LYPLAL1: variants seen among roughly 807,000 people sequenced by gnomAD.
The protein encoded by LYPLAL1 is lysophospholipase-like protein 1.
Under a neutral mutation model 19.7 loss-of-function variants are expected in LYPLAL1, and 23 were observed. The observed-to-expected ratio is 1.17, with a 90% CI of 0.84 to 1.65. The LOEUF is 1.65. Among genes scored for constraint, LYPLAL1 ranks in the 40% most tolerant of loss-of-function variants. The pLI is 0.00. For missense variants in LYPLAL1, 355 were observed against 279.4 expected, an observed-to-expected ratio of 1.27 and a Z score of -1.93; for synonymous variants, 119 against 96.3, an observed-to-expected ratio of 1.24 and a Z score of -1.38.
the LYPLAL1 span, among the ~76,000 whole-genome samples, chr1:219,320,712 T>C: frequency 1.8e-4 from 27 of 152,306 alleles, no homozygotes; most frequent in South Asian, 5.4e-3. Context: ...GTGCTTGCGA[T>C]AGTTTGCTGA....
Position 219,212,621 on chromosome 1 carries a change from T to G in LYPLAL1, c.*893T>G, listed in dbSNP as rs561545487. 1 of 152,168 alleles carries G rather than the reference T, an allele frequency of 6.6e-6. No individual in the cohort carries two copies. Among genetic ancestry groups the G allele is most frequent in the South Asian group, 2.1e-4 (1 of 4,822 alleles). 9.4% of individuals were successfully genotyped at this position (152,168 alleles called of 1,614,324 possible). On this transcript the variant is annotated 3_prime_UTR_variant, in exon 5 of 5. Transcript: ENST00000366928. ...TTTGATCCTCACAACTGTTTAAGTT[T>G]TATTAAATATACATTATCCCTATTT...
chr1:219,333,926 A>G, the LYPLAL1 span, among the ~76,000 whole-genome samples: 392 of 152,118 alleles, frequency 2.6e-3, 3 homozygotes, highest in African/African-American at 8.1e-3. Flanking sequence ...TTTGCAATCT[A>G]ATTTTGAAAC....
the LYPLAL1 span, among the ~76,000 whole-genome samples, chr1:219,349,481 A>T: frequency 6.6e-6 from 1 of 152,230 alleles, no homozygotes; most frequent in Non-Finnish European, 1.5e-5. Flanking sequence ...AAGGGCATCT[A>T]AGCCCATCCT....
At chr1:219,272,140 A>C in the LYPLAL1 span, 1 of 152,242 alleles carries the variant, frequency 6.6e-6, no homozygotes, top group Non-Finnish European at 1.5e-5. Context: ...GGCTTTCTGG[A>C]AGCTTCTACA....
chr1:219,317,772 C>T, the LYPLAL1 span, among the ~76,000 whole-genome samples: 1 of 152,176 alleles, frequency 6.6e-6, no homozygotes, highest in Admixed American at 6.5e-5. Context: ...CAGTTGTCGT[C>T]TCAGAGAATG....
At chr1:219,415,167 G>C in the LYPLAL1 span, among the ~76,000 whole-genome samples, 3 of 152,074 alleles carry the variant, frequency 2.0e-5, no homozygotes, top group Admixed American at 6.5e-5. Flanking sequence ...CACCACTCTT[G>C]GTTAGGAAAT....
chr1:219,291,885 CAAAAA>C, the LYPLAL1 span, among the ~76,000 whole-genome samples: 10 of 117,754 alleles, frequency 8.5e-5, no homozygotes, highest in Admixed American at 8.8e-4. Context: ...CGGAATAAAG[CAAAAA>C]AAAAAAAAGA....
At chr1:219,427,640 G>A in the LYPLAL1 span, among the ~76,000 whole-genome samples, 2 of 152,186 alleles carry the variant, frequency 1.3e-5, no homozygotes, top group African/African-American at 2.4e-5. Flanking sequence ...CATGGTTGGA[G>A]GAGGACCTCA....
chr1:219,342,489 T>C, the LYPLAL1 span, among the ~76,000 whole-genome samples: 1 of 152,134 alleles, frequency 6.6e-6, no homozygotes, highest in Non-Finnish European at 1.5e-5. Context: ...TGGCTACTGC[T>C]GTTGTTATGA....
the LYPLAL1 span, among the ~76,000 whole-genome samples, chr1:219,329,925 T>C: frequency 6.6e-6 from 1 of 152,100 alleles, no homozygotes; most frequent in African/African-American, 2.4e-5. Context: ...GATTTATGAC[T>C]GTATCTTTTG....
chr1:219,245,469 A>G, the LYPLAL1 span, among the ~76,000 whole-genome samples: 1 of 152,212 alleles, frequency 6.6e-6, no homozygotes, highest in Non-Finnish European at 1.5e-5. Flanking sequence ...AACTCAACAC[A>G]GGCATTGAAA....
chr1:219,259,030 T>C, the LYPLAL1 span, among the ~76,000 whole-genome samples: 1 of 151,786 alleles, frequency 6.6e-6, no homozygotes, highest in Non-Finnish European at 1.5e-5. Context: ...ACATCACTAA[T>C]TATCAGGGAA....
chr1:219,410,368 G>C, the LYPLAL1 span: 1 of 152,212 alleles, frequency 6.6e-6, no homozygotes, highest in Non-Finnish European at 1.5e-5. Flanking sequence ...AAAATAGATG[G>C]GATTTTTTTG....
At chr1:219,184,160 A>G (rs1358228996) in intron 2 of LYPLAL1, among the ~76,000 whole-genome samples, 1 of 151,900 alleles carries the variant, frequency 6.6e-6, no homozygotes, top group Non-Finnish European at 1.5e-5. Context: ...GATGCCTTCT[A>G]ATACATACAC....
Position 219,210,529 on chromosome 1 carries a change from T to G in LYPLAL1, c.362-3T>G, listed in dbSNP as rs1422343860. ...CTACTTTTAAGTATGTTTTTGTTTT[T>G]AGGAGGATTCTCTATGGGAGGATGC... is the stretch of plus-strand genomic sequence containing the variant. On this transcript the variant is annotated splice_polypyrimidine_tract_variant and splice_region_variant and intron_variant, in intron 3 of 4. Coordinates refer to ENST00000366928, the MANE Select transcript of LYPLAL1 (RefSeq NM_138794.5). 6.4e-7 allele frequency: 1 copy of G among 1,571,594 alleles called. No homozygotes were observed. The highest frequency in any genetic ancestry group is 8.7e-7 in the Non-Finnish European group (1 of 1,153,530).
At chr1:219,280,858 G>A in the LYPLAL1 span, among the ~76,000 whole-genome samples, 1 of 152,114 alleles carries the variant, frequency 6.6e-6, no homozygotes, top group Non-Finnish European at 1.5e-5. Context: ...GACCAGCCAT[G>A]GCCAACACAG....
At chr1:219,373,999 A>G in the LYPLAL1 span, among the ~76,000 whole-genome samples, 1 of 152,094 alleles carries the variant, frequency 6.6e-6, no homozygotes, top group Non-Finnish European at 1.5e-5. Context: ...ATTTTTAATC[A>G]TACAGTTTAT....
Position 219,179,128 on chromosome 1 carries a change from A to G in LYPLAL1, c.92-19A>G, listed in dbSNP as rs770386714. 3 of 1,533,244 alleles carry G rather than the reference A, an allele frequency of 2.0e-6. No homozygotes were observed. Among genetic ancestry groups the G allele is most frequent in the Non-Finnish European group, 2.7e-6 (3 of 1,122,286 alleles). 95.0% of individuals were successfully genotyped at this position (1,533,244 alleles called of 1,614,324 possible). On this transcript the variant is annotated intron_variant, in intron 1 of 4. Transcript: ENST00000366928. The stretch of plus-strand genomic sequence containing the variant: ...ATTACTAAAATATTTATTTTAATCT[A>G]GATTTTTTGATTCATCAGGTGATTC...
the LYPLAL1 span, among the ~76,000 whole-genome samples, chr1:219,365,038 TC>T: frequency 6.6e-6 from 1 of 152,132 alleles, no homozygotes; most frequent in Non-Finnish European, 1.5e-5. Context: ...AATTATTTTG[TC>T]ATACTATTGA....
Sources: gnomAD v4.1 joint callset for allele counts (sites outside exome capture counted in the v4.1 genomes callset) on GRCh38, gnomAD v4.1.1 for gene constraint, MANE v1.5 for transcripts, NCBI Gene and HGNC (gene_info 2026-07-23, HGNC 2026-07-21) for gene names.